PGM5: variants seen among roughly 807,000 people sequenced by gnomAD.
The protein encoded by PGM5 is phosphoglucomutase 5.
Under a neutral mutation model 59.2 loss-of-function variants are expected in PGM5, and 23 were observed. The ratio of observed to expected loss-of-function variants is 0.39; its 90% CI spans 0.28 to 0.55. The LOEUF (loss-of-function observed/expected upper bound fraction) is 0.55, where lower values mean the gene tolerates loss of function less well. Ranked by LOEUF, PGM5 falls within the 20% of genes least tolerant of loss-of-function variation. The pLI, the probability that PGM5 is intolerant of heterozygous loss-of-function variation, is 0.66. For missense variants in PGM5, 574 were observed against 748.3 expected, an observed-to-expected ratio of 0.77 and a Z score of 2.72; for synonymous variants, 214 against 286.0, an observed-to-expected ratio of 0.75 and a Z score of 2.54.
At chr9:68,434,502 C>A (rs889378829) in intron 6 of PGM5, among the ~76,000 whole-genome samples, 12 of 151,722 alleles carry the variant, frequency 7.9e-5, no homozygotes, top group African/African-American at 1.7e-4. Flanking sequence ...AGGTGTGAAA[C>A]CTGGTGTTAA....
intron 8 of PGM5, among the ~76,000 whole-genome samples, chr9:68,480,158 A>G (rs916639121): frequency 5.3e-5 from 8 of 152,336 alleles, no homozygotes; most frequent in African/African-American, 1.9e-4. Flanking sequence ...GTTATTTGGT[A>G]ACTATCATGG....
intron 7 of PGM5, among the ~76,000 whole-genome samples, chr9:68,472,484 A>G (rs1447790357): frequency 6.6e-6 from 1 of 152,174 alleles, no homozygotes; most frequent in Non-Finnish European, 1.5e-5. Flanking sequence ...TCTCTTAGAC[A>G]AATAGCTTAG....
chr9:68,426,144 CAG>C (rs1823233560), intron 6 of PGM5, among the ~76,000 whole-genome samples: 1 of 151,960 alleles, frequency 6.6e-6, no homozygotes, highest in Non-Finnish European at 1.5e-5. Flanking sequence ...TCCCCAGAGG[CAG>C]AGAGTATAAT....
rs1824240927 is a variant in PGM5, at chr9:68,483,883, G to T, written c.1314G>T (p.Leu438Phe). ...TCACCAGGTTTGACTATGAGGGGTT[G>T]GATCCCAAGACGACATATTATATCA... Reference protein sequence around the residue: ...HYYCRFDYEGLDPKTTYYIMR... With the variant: ...HYYCRFDYEGFDPKTTYYIMR... The change falls in exon 9 of 11, where the codon TTG becomes TTT. Residue 438 changes from leucine to phenylalanine, a missense_variant. By Grantham distance (22) the Leu-to-Phe change is conservative. Around this residue, in one of 7 missense-constraint regions of PGM5, gnomAD observed 300 missense variants for 280.0 expected, o/e 1.07. Coordinates refer to ENST00000396396, the MANE Select transcript of PGM5 (RefSeq NM_021965.4). The T allele has an allele frequency of 1.2e-6, 2 of 1,614,048 alleles. No homozygotes were observed. Among genetic ancestry groups the T allele is most frequent in the Non-Finnish European group, 1.7e-6 (2 of 1,179,972 alleles).
rs116217199 is a variant in PGM5, at chr9:68,437,126, A to G, written c.1044-27967A>G. Among the ~76,000 whole-genome samples the G allele has an allele frequency of 0.012, 1,887 of 152,352 alleles. 41 individuals are homozygous for G. Among genetic ancestry groups the G allele is most frequent in the African/African-American group, 0.042 (1,766 of 41,576 alleles). ...GCATACATTTGGCTTCATTATCTCC[A>G]TCAGTTCACATCACTTTGAAATTAA... On this transcript the variant is annotated intron_variant, in intron 6 of 10. Transcript: ENST00000396396. This position sits in a 1 kb window ranked among gnomAD's most constrained non-coding sequence, Gnocchi z 4.1.
intron 4 of PGM5, among the ~76,000 whole-genome samples, chr9:68,390,826 T>C (rs1442978138): frequency 2.1e-4 from 32 of 152,188 alleles, no homozygotes; most frequent in Non-Finnish European, 4.3e-4. Flanking sequence ...TGTGTGGTTA[T>C]TGCTTCTCTG....
chr9:68,430,039 G>A (rs1823317017), intron 6 of PGM5, among the ~76,000 whole-genome samples: 1 of 152,122 alleles, frequency 6.6e-6, no homozygotes, highest in Non-Finnish European at 1.5e-5. Context: ...TTTGAGCTTT[G>A]TTTGAAATGC....
Position 68,499,397 on chromosome 9 carries a change from G to A in PGM5, c.1614+36G>A, listed in dbSNP as rs879992606. On this transcript the variant is annotated intron_variant, in intron 10 of 10. Transcript: ENST00000396396. ...AGCTGTGCTCCCAGCAGTGTGTCTCGCAGCTCCTGGCAAATTTAGAGAGCT... is the reference window on the plus strand; with the variant it reads ...AGCTGTGCTCCCAGCAGTGTGTCTCACAGCTCCTGGCAAATTTAGAGAGCT... 4.4e-6 allele frequency: 7 copies of A among 1,597,834 alleles called. No individual in the cohort carries two copies. In the East Asian group the frequency reaches 9.0e-5, roughly 20 times the overall value.
At chr9:68,397,801 C>T (rs1199545402) in intron 6 of PGM5, 1 of 152,150 alleles carries the variant, frequency 6.6e-6, no homozygotes, top group Non-Finnish European at 1.5e-5. Context: ...GGAGATTAGG[C>T]ATAGGACCAA....
intron 9 of PGM5, chr9:68,497,478 A>G (rs1359380690): frequency 1.3e-5 from 2 of 152,190 alleles, no homozygotes; most frequent in African/African-American, 4.8e-5. Flanking sequence ...AAAGCTATTT[A>G]TTTGGGGATT....
chr9:68,421,642 G>A (rs966074660), intron 6 of PGM5, among the ~76,000 whole-genome samples: 4 of 152,156 alleles, frequency 2.6e-5, no homozygotes, highest in East Asian at 1.9e-4. Context: ...ACTTGAACCC[G>A]GGAGGCGGAG....
chr9:68,423,671 C>CTCTG (rs1823186182), intron 6 of PGM5, among the ~76,000 whole-genome samples: 6 of 151,206 alleles, frequency 4.0e-5, no homozygotes, highest in African/African-American at 1.5e-4. Context: ...CTCTCTCTCT[C>CTCTG]TCTCTCTCTC....
In PGM5 at chr9:68,423,558, A is replaced by G. The variant is rs532557403; in HGVS notation, c.1043+31085A>G. Among the ~76,000 whole-genome samples, 7 of 152,194 alleles carry G rather than the reference A, an allele frequency of 4.6e-5. No individual in the cohort carries two copies. The East Asian group carries it at 7.7e-4, about 17-fold the overall frequency. On this transcript the variant is annotated intron_variant, in intron 6 of 10. Coordinates refer to ENST00000396396, the MANE Select transcript of PGM5 (RefSeq NM_021965.4). ...GTTGAGAATGGCATGCAGAGCTGAC[A>G]TTAGGTTCAATCAGGTTGTTTCTCT...
chr9:68,402,203 G>A (rs540927520), intron 6 of PGM5, among the ~76,000 whole-genome samples: 3 of 152,362 alleles, frequency 2.0e-5, no homozygotes, highest in Admixed American at 2.0e-4. Flanking sequence ...GGCAGAGCTT[G>A]CAGTGAGCTG....
chr9:68,521,615 A>G (rs1006852619), intron 10 of PGM5, among the ~76,000 whole-genome samples: 2 of 152,188 alleles, frequency 1.3e-5, no homozygotes, highest in Admixed American at 6.5e-5. Flanking sequence ...GATATACCCA[A>G]TGAAGAGAAA....
At position 68,496,792 on chromosome 9, in the gene PGM5, A is replaced by G. The variant is rs1233578909; in HGVS notation, c.1480-2435A>G. The G allele has an allele frequency of 2.6e-5, 4 of 152,226 alleles. No homozygotes were observed. The East Asian group carries it at 7.7e-4, about 29-fold the overall frequency. 9.4% of individuals were successfully genotyped at this position (152,226 alleles called of 1,614,324 possible). ...AATTTCCCCTCACTGGCCAAAAATG[A>G]ATCTGAGAATGTTAATTGTTTAATG... On this transcript the variant is annotated intron_variant, in intron 9 of 10. Transcript: ENST00000396396.
intron 6 of PGM5, among the ~76,000 whole-genome samples, chr9:68,417,317 G>A (rs966860475): frequency 6.6e-6 from 1 of 152,150 alleles, no homozygotes; most frequent in African/African-American, 2.4e-5. Context: ...CAGCTTTCAG[G>A]CTGATCCTGC....
intron 6 of PGM5, among the ~76,000 whole-genome samples, chr9:68,456,454 G>A (rs533815976): frequency 2.0e-5 from 3 of 150,728 alleles, no homozygotes; most frequent in African/African-American, 7.3e-5. Context: ...GGGACTACAG[G>A]TGCCTGCCAC....
intron 5 of PGM5, 43 bp from the exon 6 acceptor site, chr9:68,392,276 C>G (rs782750385): frequency 6.2e-7 from 1 of 1,606,346 alleles, no homozygotes; most frequent in Admixed American, 1.7e-5. Context: ...GGGCTGCTAG[C>G]AGATGCTTCT....
Sources: allele counts gnomAD v4.1 joint callset (sites outside exome capture counted in the v4.1 genomes callset), GRCh38; gene constraint gnomAD v4.1.1; regional missense constraint gnomAD v4.1.1; non-coding constraint Gnocchi (gnomAD v3.1); transcripts MANE v1.5; gene names NCBI Gene and HGNC (gene_info 2026-07-23, HGNC 2026-07-21).